Variants in CYSLTR2 observed in about 807,000 individuals in gnomAD.
CYSLTR2 encodes the protein cysteinyl leukotriene receptor 2.
For synonymous variants in CYSLTR2, 179 were observed against 160.8 expected (o/e 1.11, Z -0.86); for missense variants, 398 against 411.9 (o/e 0.97, Z 0.29).
At chr13:48,671,334 A>G (rs957254661) in intron 1 of CYSLTR2, among the ~76,000 whole-genome samples, 2 of 152,178 alleles carry the variant, frequency 1.3e-5, no homozygotes, top group Non-Finnish European at 2.9e-5. Flanking sequence ...GTGGTGAGAG[A>G]GGGCATCCTT....
At chr13:48,671,345 G>T (rs1358547826) in intron 1 of CYSLTR2, among the ~76,000 whole-genome samples, 2 of 152,160 alleles carry the variant, frequency 1.3e-5, no homozygotes, top group African/African-American at 4.8e-5. Flanking sequence ...GGGCATCCTT[G>T]TCTTGTGTGT....
intron 4 of CYSLTR2, among the ~76,000 whole-genome samples, chr13:48,706,174 T>G (rs919583462): frequency 3.3e-5 from 5 of 152,090 alleles, no homozygotes; most frequent in Non-Finnish European, 7.4e-5. Context: ...TTTTGTATTT[T>G]TAGTAGAGAC....
At chr13:48,705,578 A>T (rs186461984) in intron 4 of CYSLTR2, among the ~76,000 whole-genome samples, 1 of 149,352 alleles carries the variant, frequency 6.7e-6, no homozygotes, top group African/African-American at 2.4e-5. Flanking sequence ...TTTTAGTGGA[A>T]GCTCTAGGTA....
intron 3 of CYSLTR2, among the ~76,000 whole-genome samples, chr13:48,696,194 C>A (rs1277319188): frequency 1.3e-5 from 2 of 152,206 alleles, no homozygotes; most frequent in Admixed American, 6.5e-5. Flanking sequence ...TGTATATCCC[C>A]TGAAATGTTT....
intron 4 of CYSLTR2, among the ~76,000 whole-genome samples, chr13:48,706,210 G>A (rs1954483311): frequency 6.6e-6 from 1 of 152,030 alleles, no homozygotes; most frequent in Non-Finnish European, 1.5e-5. Flanking sequence ...TGGCCAGACT[G>A]GTCTTGAACT....
intron 1 of CYSLTR2, among the ~76,000 whole-genome samples, chr13:48,673,036 A>G (rs576964289): frequency 1.3e-5 from 2 of 152,298 alleles, no homozygotes; most frequent in East Asian, 1.9e-4. Context: ...TATGTGGTCA[A>G]TTTTAGAATA....
chr13:48,692,357 T>G (rs1311124820), intron 2 of CYSLTR2, among the ~76,000 whole-genome samples: 1 of 152,018 alleles, frequency 6.6e-6, no homozygotes, highest in Non-Finnish European at 1.5e-5. Flanking sequence ...ACTTAATTTT[T>G]GTATATTAAA....
At chr13:48,680,653 A>G (rs1953723207) in intron 1 of CYSLTR2, among the ~76,000 whole-genome samples, 1 of 152,170 alleles carries the variant, frequency 6.6e-6, no homozygotes, top group South Asian at 2.1e-4. Flanking sequence ...CGTGGAAATT[A>G]TGCTGCCAAA....
chr13:48,659,123 A>T (rs1953067130), intron 1 of CYSLTR2, among the ~76,000 whole-genome samples: 1 of 152,042 alleles, frequency 6.6e-6, no homozygotes, highest in Non-Finnish European at 1.5e-5. Context: ...CAGAGGAGAC[A>T]CTGGGCAGCA....
At chr13:48,673,826 A>C (rs769063683) in intron 1 of CYSLTR2, among the ~76,000 whole-genome samples, 12 of 152,154 alleles carry the variant, frequency 7.9e-5, no homozygotes, top group Non-Finnish European at 1.8e-4. Context: ...GGTGGTGACA[A>C]AATCCCTCAC....
In CYSLTR2 at chr13:48,693,707, G is replaced by T. The variant is rs529422473; in HGVS notation, c.-103+197G>T. Among the ~76,000 whole-genome samples, 15 of 152,070 alleles carry T rather than the reference G, an allele frequency of 9.9e-5. No homozygotes were observed. The South Asian group carries it at 3.1e-3, about 32-fold the overall frequency. ...AAGAATAGATTTTGGAATATAAAAAGAGTGACATTAAAATTGGTTTAAGCC... is the reference window on the plus strand; with the variant it reads ...AAGAATAGATTTTGGAATATAAAAATAGTGACATTAAAATTGGTTTAAGCC... On this transcript the variant is annotated intron_variant, in intron 3 of 4. Transcript: ENST00000682523.
At chr13:48,689,846 A>C (rs1362649264) in intron 1 of CYSLTR2, among the ~76,000 whole-genome samples, 3 of 152,178 alleles carry the variant, frequency 2.0e-5, no homozygotes, top group African/African-American at 7.2e-5. Context: ...TACTTTGGGC[A>C]GTATGGCCAT....
At chr13:48,696,468 T>C (rs1035782558) in intron 3 of CYSLTR2, 58 bp from the exon 4 acceptor site, 5 of 152,206 alleles carry the variant, frequency 3.3e-5, no homozygotes, top group Non-Finnish European at 7.4e-5. Flanking sequence ...AAGAACTCTT[T>C]GTCAGTCCTA....
intron 1 of CYSLTR2, among the ~76,000 whole-genome samples, chr13:48,687,682 G>A (rs1953931471): frequency 6.6e-6 from 1 of 152,166 alleles, no homozygotes; most frequent in Admixed American, 6.5e-5. Context: ...GTTCTCTCAA[G>A]TAGCCTGTGC....
intron 1 of CYSLTR2, among the ~76,000 whole-genome samples, chr13:48,664,612 A>C (rs1953214204): frequency 6.6e-6 from 1 of 151,836 alleles, no homozygotes; most frequent in South Asian, 2.1e-4. Context: ...ATTGGCATAT[A>C]ATTGTTCATG....
intron 1 of CYSLTR2, among the ~76,000 whole-genome samples, chr13:48,665,883 T>A (rs941742911): frequency 6.6e-6 from 1 of 152,096 alleles, no homozygotes; most frequent in Non-Finnish European, 1.5e-5. Context: ...GTTTTGTGTA[T>A]CTTTTGTTCC....
intron 1 of CYSLTR2, among the ~76,000 whole-genome samples, chr13:48,660,229 G>A (rs1953094737): frequency 6.6e-6 from 1 of 152,118 alleles, no homozygotes. Context: ...GGGCAGAGGT[G>A]TCCCCTGGCA....
At chr13:48,666,908 A>G (rs1411966391) in intron 1 of CYSLTR2, among the ~76,000 whole-genome samples, 1 of 151,906 alleles carries the variant, frequency 6.6e-6, no homozygotes, top group African/African-American at 2.4e-5. Flanking sequence ...GTATTTCCCT[A>G]TGATTTGGGT....
At chr13:48,658,376 G>GC (rs1030062785) in intron 1 of CYSLTR2, among the ~76,000 whole-genome samples, 5 of 152,036 alleles carry the variant, frequency 3.3e-5, no homozygotes, top group African/African-American at 9.7e-5. Context: ...GTTCTTTCCC[G>GC]CCCCCCAAAA....
Sources: gnomAD v4.1 joint callset for allele counts (sites outside exome capture counted in the v4.1 genomes callset) on GRCh38, gnomAD v4.1.1 for gene constraint, MANE v1.5 for transcripts, NCBI Gene and HGNC (gene_info 2026-07-23, HGNC 2026-07-21) for gene names.